DPYSL3: variants seen among roughly 807,000 people sequenced by gnomAD.
DPYSL3 encodes dihydropyrimidinase like 3, also known as dihydropyrimidinase-related protein 3.
Under a neutral mutation model 66.1 loss-of-function variants are expected in DPYSL3, and 16 were observed. That is an observed-to-expected ratio of 0.24 (90% CI 0.16 to 0.37). DPYSL3 has a LOEUF of 0.37. Ranked by LOEUF, DPYSL3 falls within the 10% of genes least tolerant of loss-of-function variation. The pLI is 1.00. For missense variants in DPYSL3, 738 were observed against 916.2 expected, an observed-to-expected ratio of 0.81 and a Z score of 2.51; for synonymous variants, 338 against 345.1, an observed-to-expected ratio of 0.98 and a Z score of 0.23.
intron 10 of DPYSL3, among the ~76,000 whole-genome samples, 194 bp downstream of exon 10, chr5:147,400,498 C>T (rs1651410826): frequency 6.6e-6 from 1 of 152,242 alleles, no homozygotes. Context: ...CTTCAGAATG[C>T]TAGGCCTTAG....
chr5:147,408,023 CCTT>C lies in DPYSL3; in HGVS notation c.1032+702_1032+704del, dbSNP rs371733782. Among the ~76,000 whole-genome samples the C allele has an allele frequency of 1.5e-4, 23 of 152,224 alleles. 1 individual carries two copies. In the South Asian group the frequency reaches 4.6e-3, roughly 30 times the overall value. On this transcript the variant is annotated intron_variant, in intron 7 of 13. Coordinates refer to ENST00000343218, the MANE Select transcript of DPYSL3 (RefSeq NM_001197294.2). ...ATGGGAATCATTTCTGGTTATGATT[CCTT>C]CTTCTCCCTGTTGTAGGGTTTGGAA...
chr5:147,453,653 T>TA, intron 1 of DPYSL3: 1 of 1,499,658 alleles, frequency 6.7e-7, no homozygotes, highest in Admixed American at 2.1e-5. Flanking sequence ...CGCCCGCGCC[T>TA]TCCTCAGCGC....
chr5:147,394,232 G>A (rs1757904773), intron 13 of DPYSL3, 109 bp from the exon 14 acceptor site: 2 of 1,053,816 alleles, frequency 1.9e-6, no homozygotes, highest in African/African-American at 1.6e-5. Flanking sequence ...GATATGAAGT[G>A]CCTTGCTGGC....
chr5:147,505,982 T>G lies in DPYSL3; in HGVS notation c.381+3496A>C, dbSNP rs577582320. ...GTGAATTCTGGCTCCCCCCACTTAT[T>G]ATTTATGTGATTTGGGACTAAACAA... On this transcript the variant is annotated intron_variant, in intron 1 of 13. Coordinates refer to ENST00000343218, the MANE Select transcript of DPYSL3 (RefSeq NM_001197294.2). 5.3e-5 allele frequency among the ~76,000 whole-genome samples: 8 copies of G among 152,322 alleles called. No individual in the cohort carries two copies. The South Asian group carries it at 1.7e-3, about 32-fold the overall frequency.
At chr5:147,436,987 G>T (rs1261596052) in intron 1 of DPYSL3, among the ~76,000 whole-genome samples, 1 of 152,246 alleles carries the variant, frequency 6.6e-6, no homozygotes, top group African/African-American at 2.4e-5. Context: ...AAGGTCAGGT[G>T]TTAGTGGACG....
chr5:147,507,648 T>C (rs765467524), intron 1 of DPYSL3, among the ~76,000 whole-genome samples: 1 of 152,186 alleles, frequency 6.6e-6, no homozygotes, highest in Non-Finnish European at 1.5e-5. Flanking sequence ...AAATTAGAGA[T>C]AATAACATGG....
At chr5:147,472,593 T>A (rs547021305) in intron 1 of DPYSL3, 1 of 152,308 alleles carries the variant, frequency 6.6e-6, no homozygotes, top group Admixed American at 6.5e-5. Flanking sequence ...TCCATCATGT[T>A]ACAAATTTAT....
At chr5:147,452,438 TACACAC>T (rs35272843) in intron 1 of DPYSL3, among the ~76,000 whole-genome samples, 12 of 142,136 alleles carry the variant, frequency 8.4e-5, no homozygotes, top group South Asian at 4.5e-4. Context: ...ATTCCCCCAC[TACACAC>T]ACACACACAC....
chr5:147,451,449 C>T (rs1021423093), intron 1 of DPYSL3, among the ~76,000 whole-genome samples: 6 of 152,234 alleles, frequency 3.9e-5, no homozygotes, highest in South Asian at 4.1e-4. Flanking sequence ...AGGGAATCCA[C>T]TGCAAATCTG....
At chr5:147,482,631 G>C (rs1399732667) in intron 1 of DPYSL3, among the ~76,000 whole-genome samples, 1 of 152,168 alleles carries the variant, frequency 6.6e-6, no homozygotes, top group Non-Finnish European at 1.5e-5. Context: ...GGTAGAGGCT[G>C]GGCACATAAA....
chr5:147,468,603 G>C lies in DPYSL3; in HGVS notation c.381+40875C>G, dbSNP rs559443111. ...CTCTCTGTGACTGTAAAAGACTATC[G>C]CAAGAAACTAGATTATCAGAAAGTT... On this transcript the variant is annotated intron_variant, in intron 1 of 13. Transcript: ENST00000343218. Among the ~76,000 whole-genome samples, 5 of 152,152 alleles carry C rather than the reference G, an allele frequency of 3.3e-5. No homozygotes were observed. In the East Asian group the frequency reaches 9.6e-4, roughly 29 times the overall value.
chr5:147,420,529 G>A (rs1240671149), intron 2 of DPYSL3, among the ~76,000 whole-genome samples: 1 of 152,158 alleles, frequency 6.6e-6, no homozygotes. Flanking sequence ...CCTTGATAAT[G>A]AGTACCATAC....
At chr5:147,399,871 T>C (rs778386236) in intron 10 of DPYSL3, among the ~76,000 whole-genome samples, 3 of 152,210 alleles carry the variant, frequency 2.0e-5, no homozygotes, top group African/African-American at 4.8e-5. Context: ...GGAAACACTA[T>C]GTGAGAGAAC....
intron 1 of DPYSL3, among the ~76,000 whole-genome samples, chr5:147,495,845 T>C (rs1413062114): frequency 6.6e-6 from 1 of 152,220 alleles, no homozygotes; most frequent in Non-Finnish European, 1.5e-5. Context: ...ATAGATTCAA[T>C]GGCATCCTCA....
intron 1 of DPYSL3, among the ~76,000 whole-genome samples, chr5:147,434,983 A>G (rs571629385): frequency 6.7e-6 from 1 of 149,580 alleles, no homozygotes; most frequent in East Asian, 1.9e-4. Context: ...TGTTAATAAG[A>G]GAGGAAACTT....
intron 1 of DPYSL3, among the ~76,000 whole-genome samples, chr5:147,484,019 T>C (rs1753290119): frequency 6.6e-6 from 1 of 152,182 alleles, no homozygotes; most frequent in Non-Finnish European, 1.5e-5. Context: ...TAGGTCTGTC[T>C]CTCTGTCTGT....
chr5:147,501,235 C>T (rs1168618851), intron 1 of DPYSL3, among the ~76,000 whole-genome samples: 1 of 152,112 alleles, frequency 6.6e-6, no homozygotes, highest in Non-Finnish European at 1.5e-5. Context: ...GTGTGATTCC[C>T]ACTATATGAC....
In DPYSL3 at chr5:147,509,174, ACACC is replaced by A. The variant is rs1162320313; in HGVS notation, c.381+300_381+303del. Among the ~76,000 whole-genome samples, 1 of 152,132 alleles carries A rather than the reference ACACC, an allele frequency of 6.6e-6. No homozygotes were observed. Among genetic ancestry groups the A allele is most frequent in the Non-Finnish European group, 1.5e-5 (1 of 68,018 alleles). On this transcript the variant is annotated intron_variant, in intron 1 of 13. Coordinates refer to ENST00000343218, the MANE Select transcript of DPYSL3 (RefSeq NM_001197294.2). The surrounding 1 kb of genome is among the most constrained non-coding windows in gnomAD (Gnocchi z 5.3). ...AATCACTAAGCCTTCCCGGGCTGAC[ACACC>A]CACCCAGACCGGATGGCCCAGGAGT...
At chr5:147,494,836 G>T (rs937591862) in intron 1 of DPYSL3, among the ~76,000 whole-genome samples, 1 of 150,412 alleles carries the variant, frequency 6.6e-6, no homozygotes, top group Non-Finnish European at 1.5e-5. Context: ...CCGAGATCGC[G>T]CCACTGCACT....
Sources: gnomAD v4.1 joint callset for allele counts (sites outside exome capture counted in the v4.1 genomes callset) on GRCh38, gnomAD v4.1.1 for gene constraint, Gnocchi (gnomAD v3.1) non-coding constraint, MANE v1.5 for transcripts, NCBI Gene and HGNC (gene_info 2026-07-23, HGNC 2026-07-21) for gene names.